Variants in DCC observed in about 807,000 individuals in gnomAD.
The protein encoded by DCC is netrin receptor DCC.
A neutral mutation model predicts 172.5 loss-of-function variants in DCC; 58 were observed. The ratio of observed to expected loss-of-function variants is 0.34; its 90% confidence interval spans 0.27 to 0.42. The LOEUF is 0.42. Among genes scored for constraint, DCC ranks in the 10% least tolerant of loss-of-function variants. The pLI is 1.00. For synonymous variants in DCC, 709 were observed against 644.5 expected, an observed-to-expected ratio of 1.10 and a Z score of -1.52; for missense variants, 1,740 against 1,791.0, an observed-to-expected ratio of 0.97 and a Z score of 0.51.
In DCC at chr18:52,655,956, ATGTG is replaced by A. The variant is rs58903211; in HGVS notation, c.92-96070_92-96067del. Among the ~76,000 whole-genome samples, 933 of 134,802 alleles carry A rather than the reference ATGTG, an allele frequency of 6.9e-3. 16 individuals carry two copies. Among genetic ancestry groups the A allele is most frequent in the East Asian group, 0.067 (314 of 4,672 alleles). The allele number at this position is 134,802 out of a possible 152,430, so 88.4% of individuals were successfully genotyped here. ...CGCCTGCCCTCTCCATTAAATATAT[ATGTG>A]TGTGTGTGTGTGTGTGTGTGTGTGT... On this transcript the variant is annotated intron_variant, in intron 1 of 28. Transcript: ENST00000442544.
At chr18:52,633,129 TCC>T (rs2034708834) in intron 1 of DCC, among the ~76,000 whole-genome samples, 1 of 35,374 alleles carries the variant, frequency 2.8e-5, no homozygotes, top group Admixed American at 2.2e-4. Context: ...TCCTTTCCTG[TCC>T]TGTCCTGTCC....
intron 5 of DCC, among the ~76,000 whole-genome samples, chr18:53,040,476 A>G (rs1489363937): frequency 6.6e-6 from 1 of 151,976 alleles, no homozygotes; most frequent in African/African-American, 2.4e-5. Flanking sequence ...CTGTCACTGA[A>G]TCAGAAGCTC....
chr18:53,259,884 A>G (rs1205862706), intron 12 of DCC, among the ~76,000 whole-genome samples: 2 of 145,170 alleles, frequency 1.4e-5, no homozygotes, highest in Non-Finnish European at 3.0e-5. Flanking sequence ...ACATAGTCCC[A>G]TATTTCTTGG....
intron 5 of DCC, among the ~76,000 whole-genome samples, chr18:52,948,713 G>T (rs1243161306): frequency 6.6e-6 from 1 of 152,178 alleles, no homozygotes; most frequent in Non-Finnish European, 1.5e-5. Context: ...CTGCTGTGTA[G>T]TTTCCCTTCT....
intron 12 of DCC, among the ~76,000 whole-genome samples, chr18:53,290,435 A>G (rs1348407935): frequency 2.0e-5 from 3 of 152,238 alleles, no homozygotes; most frequent in African/African-American, 4.8e-5. Flanking sequence ...AAATAGCTAT[A>G]TAAGTACTCT....
chr18:52,828,801 G>C (rs778445793), intron 2 of DCC, among the ~76,000 whole-genome samples: 8 of 152,100 alleles, frequency 5.3e-5, no homozygotes, highest in Non-Finnish European at 1.2e-4. Flanking sequence ...TAAGTGCTTT[G>C]GTGCTGTATG....
chr18:53,213,647 CAAAAAAA>C lies in DCC; in HGVS notation c.1862-1880_1862-1874del, dbSNP rs34284373. On this transcript the variant is annotated intron_variant, in intron 11 of 28. Coordinates refer to ENST00000442544, the MANE Select transcript of DCC (RefSeq NM_005215.4). ...TGGGTGACAGAGCGAGACTCCGTCT[CAAAAAAA>C]AAAAAAAAAAAAAAAAAAAAGAAGT... Among the ~76,000 whole-genome samples the C allele has an allele frequency of 4.2e-4, 15 of 35,378 alleles. No individual in the cohort carries two copies. In the East Asian group the frequency reaches 6.1e-3, roughly 14 times the overall value. 23.2% of individuals were successfully genotyped at this position (35,378 alleles called of 152,430 possible). A position where few individuals can be genotyped will look rare whatever the true frequency, so the allele number is the denominator to read the frequency against.
chr18:53,103,480 G>T lies in DCC; in HGVS notation c.1261+37314G>T, dbSNP rs1028840015. ...TTGACACTTGAGCCTGGGCTCAAGT[G>T]ATCCCTTTTGCCTCAGCTTCCAAGT... On this transcript the variant is annotated intron_variant, in intron 7 of 28. Coordinates refer to ENST00000442544, the MANE Select transcript of DCC (RefSeq NM_005215.4). Among the ~76,000 whole-genome samples the T allele has an allele frequency of 2.0e-5, 3 of 152,108 alleles. No individual in the cohort carries two copies. The South Asian group carries it at 6.2e-4, about 32-fold the overall frequency.
At chr18:53,301,010 T>G (rs2057133648) in intron 12 of DCC, among the ~76,000 whole-genome samples, 1 of 144,404 alleles carries the variant, frequency 6.9e-6, no homozygotes, top group African/African-American at 2.7e-5. Context: ...TTTTCTTTCT[T>G]TTCACTCTTT....
At chr18:52,532,197 G>A (rs1327486876) in intron 1 of DCC, among the ~76,000 whole-genome samples, 1 of 151,908 alleles carries the variant, frequency 6.6e-6, no homozygotes, top group East Asian at 1.9e-4. Context: ...TTCTATTATA[G>A]GAATAAAATA....
chr18:52,774,597 G>A (rs964817090), intron 2 of DCC, among the ~76,000 whole-genome samples: 9 of 152,202 alleles, frequency 5.9e-5, no homozygotes, highest in Non-Finnish European at 1.2e-4. Context: ...AATGGCAAAG[G>A]TTCCCTTGTT....
At chr18:53,351,378 T>C (rs1287818824) in intron 15 of DCC, among the ~76,000 whole-genome samples, 1 of 66,606 alleles carries the variant, frequency 1.5e-5, no homozygotes, top group South Asian at 5.8e-4. Context: ...TGTATATATA[T>C]ATACAGTATA....
At chr18:52,731,314 T>G (rs767598058) in intron 1 of DCC, among the ~76,000 whole-genome samples, 1 of 152,192 alleles carries the variant, frequency 6.6e-6, no homozygotes, top group Non-Finnish European at 1.5e-5. Flanking sequence ...ACAAATTAAT[T>G]TATTGCATTG....
chr18:52,392,453 C>G (rs1986064997), intron 1 of DCC, among the ~76,000 whole-genome samples: 1 of 152,006 alleles, frequency 6.6e-6, no homozygotes, highest in African/African-American at 2.4e-5. Flanking sequence ...GTGAAGTCTT[C>G]TAATGGCAGT....
intron 15 of DCC, among the ~76,000 whole-genome samples, chr18:53,358,354 A>C (rs1027432852): frequency 6.6e-6 from 1 of 152,000 alleles, no homozygotes; most frequent in Admixed American, 6.6e-5. Flanking sequence ...TATGGCAGGC[A>C]GTTGTTTACT....
chr18:52,708,394 A>G (rs909829661), intron 1 of DCC, among the ~76,000 whole-genome samples: 4 of 151,564 alleles, frequency 2.6e-5, no homozygotes, highest in Admixed American at 6.6e-5. Context: ...GTGAGCCCAG[A>G]TTGCACCACT....
chr18:52,359,508 G>A (rs1984525668), intron 1 of DCC, among the ~76,000 whole-genome samples: 1 of 152,226 alleles, frequency 6.6e-6, no homozygotes, highest in South Asian at 2.1e-4. Flanking sequence ...GGATTTCAGA[G>A]TAAGCTTACT....
chr18:53,165,221 T>C (rs898163779), intron 8 of DCC, among the ~76,000 whole-genome samples: 3 of 152,190 alleles, frequency 2.0e-5, no homozygotes, highest in African/African-American at 2.4e-5. Context: ...CACACTGTTT[T>C]GTGGCAGAAC....
At chr18:52,427,910 A>G (rs1290103428) in intron 1 of DCC, among the ~76,000 whole-genome samples, 1 of 132,082 alleles carries the variant, frequency 7.6e-6, no homozygotes, top group Non-Finnish European at 1.5e-5. Context: ...ATCTTTTGAA[A>G]CACTCAAAGT....
Sources: gnomAD v4.1 joint callset for allele counts (sites outside exome capture counted in the v4.1 genomes callset) on GRCh38, gnomAD v4.1.1 for gene constraint, MANE v1.5 for transcripts, NCBI Gene and HGNC (gene_info 2026-07-23, HGNC 2026-07-21) for gene names.